NCOA2: variants seen among roughly 807,000 people sequenced by gnomAD.
NCOA2 encodes class E basic helix-loop-helix protein 75.
Under a neutral mutation model 145.1 loss-of-function variants are expected in NCOA2, and 21 were observed. The observed-to-expected ratio is 0.14, with a 90% confidence interval of 0.10 to 0.21. The LOEUF (loss-of-function observed/expected upper bound fraction) is 0.21, where lower values mean the gene tolerates loss of function less well. NCOA2 is among the 10% of genes least tolerant of loss of function. The pLI, the probability that NCOA2 is intolerant of heterozygous loss-of-function variation, is 1.00. For synonymous variants in NCOA2, 619 were observed against 637.5 expected (o/e 0.97, Z 0.44); for missense variants, 1,472 against 1,837.6 (o/e 0.80, Z 3.64).
the NCOA2 span, among the ~76,000 whole-genome samples, chr8:70,440,892 C>G: frequency 2.0e-5 from 3 of 149,196 alleles, no homozygotes; most frequent in Admixed American, 2.0e-4. Context: ...GGTCTTCAGG[C>G]CCCTGAGAGA....
intron 2 of NCOA2, among the ~76,000 whole-genome samples, chr8:70,261,908 C>G (rs1048212372): frequency 2.0e-5 from 3 of 152,064 alleles, no homozygotes; most frequent in Non-Finnish European, 4.4e-5. Flanking sequence ...TAGGCATGCT[C>G]CAGATGAGGG....
At chr8:70,172,560 T>C (rs534889496) in intron 5 of NCOA2, among the ~76,000 whole-genome samples, 38 of 152,322 alleles carry the variant, frequency 2.5e-4, no homozygotes, top group African/African-American at 6.5e-4. Flanking sequence ...ATGAACCACA[T>C]GCAGGACAAA....
chr8:70,180,739 AG>A (rs750937781), intron 4 of NCOA2, among the ~76,000 whole-genome samples: 16 of 152,254 alleles, frequency 1.1e-4, no homozygotes, highest in Non-Finnish European at 2.4e-4. Flanking sequence ...CTATGTCACC[AG>A]GCTGGAGTGC....
intron 15 of NCOA2, 115 bp downstream of exon 15, chr8:70,138,088 T>C (rs371017242): frequency 1.8e-6 from 2 of 1,137,150 alleles, no homozygotes; most frequent in African/African-American, 3.1e-5. Context: ...CACTGCACAG[T>C]AGATAATATA....
chr8:70,169,664 C>T (rs994390621), intron 6 of NCOA2, among the ~76,000 whole-genome samples: 2 of 152,104 alleles, frequency 1.3e-5, no homozygotes, highest in African/African-American at 4.8e-5. Context: ...GGGATAAATA[C>T]CCCATCTCCA....
At chr8:70,163,593 C>T (rs377151137) in intron 7 of NCOA2, 27 bp from the exon 8 acceptor site, 6 of 1,570,130 alleles carry the variant, frequency 3.8e-6, no homozygotes, top group Non-Finnish European at 5.2e-6. Context: ...TTACATTTAT[C>T]ATATTGGGCT....
chr8:70,190,766 G>T (rs902027718), intron 4 of NCOA2, among the ~76,000 whole-genome samples: 2 of 152,186 alleles, frequency 1.3e-5, no homozygotes, highest in African/African-American at 4.8e-5. Context: ...TGAAGCAGGA[G>T]AATTACTTGA....
intron 2 of NCOA2, among the ~76,000 whole-genome samples, chr8:70,237,850 C>T (rs1821769607): frequency 1.3e-5 from 2 of 151,518 alleles, no homozygotes; most frequent in African/African-American, 2.4e-5. Context: ...ACTCCAAGAA[C>T]ACACACACAC....
intron 2 of NCOA2, among the ~76,000 whole-genome samples, chr8:70,234,764 T>A (rs1325002219): frequency 6.6e-6 from 1 of 152,184 alleles, no homozygotes; most frequent in Non-Finnish European, 1.5e-5. Context: ...CCTCTCTGAG[T>A]ACCTGACCAA....
At chr8:70,206,870 A>G (rs1818494601) in intron 4 of NCOA2, among the ~76,000 whole-genome samples, 1 of 152,150 alleles carries the variant, frequency 6.6e-6, no homozygotes, top group South Asian at 2.1e-4. Flanking sequence ...TTTACCTATT[A>G]AAATCTTACT....
chr8:70,308,479 ATGTG>A (rs971603088), intron 1 of NCOA2, among the ~76,000 whole-genome samples: 2 of 151,870 alleles, frequency 1.3e-5, no homozygotes, highest in African/African-American at 2.4e-5. Context: ...ATACACATAT[ATGTG>A]TGTGTGTGTA....
chr8:70,314,628 A>G (rs538939524), intron 1 of NCOA2, among the ~76,000 whole-genome samples: 1 of 152,358 alleles, frequency 6.6e-6, no homozygotes, highest in African/African-American at 2.4e-5. Context: ...GAAACCAAGC[A>G]GCATTCATTT....
At chr8:70,316,774 TAAATA>T (rs1220541500) in intron 1 of NCOA2, among the ~76,000 whole-genome samples, 3 of 152,174 alleles carry the variant, frequency 2.0e-5, no homozygotes, top group Non-Finnish European at 4.4e-5. Context: ...AACCTGATGT[TAAATA>T]AAATAAAAGC....
chr8:70,279,917 T>A (rs1825749343), intron 2 of NCOA2, among the ~76,000 whole-genome samples: 1 of 152,218 alleles, frequency 6.6e-6, no homozygotes, highest in Non-Finnish European at 1.5e-5. Flanking sequence ...CATCCAGACT[T>A]GCCCTGAGCC....
chr8:70,282,426 C>T (rs753446240), intron 2 of NCOA2, among the ~76,000 whole-genome samples: 3 of 152,146 alleles, frequency 2.0e-5, no homozygotes, highest in Non-Finnish European at 4.4e-5. Context: ...AGGCTCATGC[C>T]TTTAATCCCA....
At chr8:70,453,766 C>T in the NCOA2 span, among the ~76,000 whole-genome samples, 1 of 152,154 alleles carries the variant, frequency 6.6e-6, no homozygotes, top group African/African-American at 2.4e-5. Flanking sequence ...GTGAAACACA[C>T]ACAGAAGTCA....
At chr8:70,405,979 T>TA (rs1396484459), upstream of NCOA2, among the ~76,000 whole-genome samples, 2 of 152,204 alleles carry the variant, frequency 1.3e-5, no homozygotes, top group Non-Finnish European at 2.9e-5. Context: ...TTGTGTGACT[T>TA]AAACGCGCTC....
chr8:70,353,831 A>G (rs1399485270), intron 1 of NCOA2, among the ~76,000 whole-genome samples: 1 of 152,166 alleles, frequency 6.6e-6, no homozygotes, highest in African/African-American at 2.4e-5. Flanking sequence ...TTTGCTGGAT[A>G]TACATTTTAA....
chr8:70,387,679 C>G (rs899345553), intron 1 of NCOA2, among the ~76,000 whole-genome samples: 2 of 116,088 alleles, frequency 1.7e-5, no homozygotes, highest in Non-Finnish European at 3.2e-5. Context: ...AAGGCTTCCT[C>G]TCTGATGAAT....
Sources: allele counts gnomAD v4.1 joint callset (sites outside exome capture counted in the v4.1 genomes callset), GRCh38; gene constraint gnomAD v4.1.1; transcripts MANE v1.5; gene names NCBI Gene and HGNC (gene_info 2026-07-23, HGNC 2026-07-21).